PDCD2: variants seen among roughly 807,000 people sequenced by gnomAD.
PDCD2 encodes the protein uS5 assembly chaperone PDCD2.
A neutral mutation model predicts 38.1 loss-of-function variants in PDCD2; 38 were observed. That is an observed-to-expected ratio of 1.00 (90% confidence interval 0.77 to 1.31). The LOEUF (loss-of-function observed/expected upper bound fraction) is 1.31. Among genes scored for constraint, PDCD2 ranks in the 50% most tolerant of loss-of-function variants. The pLI, the probability that PDCD2 is intolerant of heterozygous loss-of-function variation, is 0.00. For missense variants in PDCD2, 473 were observed against 435.7 expected, an observed-to-expected ratio of 1.09 and a Z score of -0.76; for synonymous variants, 205 against 168.9, an observed-to-expected ratio of 1.21 and a Z score of -1.66.
At chr6:170,583,341 T>C (rs1339376181) in intron 2 of PDCD2, among the ~76,000 whole-genome samples, 153 bp from the exon 3 acceptor site, 1 of 152,114 alleles carries the variant, frequency 6.6e-6, no homozygotes, top group African/African-American at 2.4e-5. Context: ...TATTCAGTGA[T>C]TCAGACTTCA....
In PDCD2 at chr6:170,577,688, C is replaced by G; in HGVS notation, c.906G>C (p.Lys302Asn). ...QVMPQLLNYL[K>N]ADRLGKSIDW... The stretch of plus-strand genomic sequence containing the variant: ...CAATGCTCTTGCCCAGTCTGTCAGC[C>G]TTCAGGTAGTTTAGGAGCTGAGGCA... The change falls in exon 6 of 6, where the codon AAG becomes AAC. Residue 302 changes from lysine to asparagine, a missense_variant. Lys to Asn is a moderately conservative substitution (Grantham distance 94). Transcript: ENST00000541970. 2 of 1,613,196 alleles carry G rather than the reference C, an allele frequency of 1.2e-6. No individual in the cohort carries two copies. The highest frequency in any genetic ancestry group is 1.7e-6 in the Non-Finnish European group (2 of 1,180,002).
rs1295056366 is a variant in PDCD2 at position 170,583,780 on chromosome 6, C to T, written c.284-33G>A. On this transcript the variant is annotated intron_variant, in intron 1 of 5. Coordinates refer to ENST00000541970, the MANE Select transcript of PDCD2 (RefSeq NM_002598.4). ...AGAATACAGAGAAAAGTTTTATCTTCAAACAAAACAGCAATTCACATATTT... is the reference window on the plus strand; with the variant it reads ...AGAATACAGAGAAAAGTTTTATCTTTAAACAAAACAGCAATTCACATATTT... 4 of 1,514,990 alleles carry T rather than the reference C, an allele frequency of 2.6e-6. No homozygotes were observed. In the East Asian group the frequency reaches 9.1e-5, roughly 35 times the overall value. 93.8% of individuals were successfully genotyped at this position (1,514,990 alleles called of 1,614,324 possible). A position where few individuals can be genotyped will look rare whatever the true frequency, so the allele number is the denominator to read the frequency against.
chr6:170,582,161 C>T (rs1779627389), intron 3 of PDCD2: 10 of 1,527,886 alleles, frequency 6.5e-6, no homozygotes, highest in South Asian at 1.2e-5. Flanking sequence ...CTGTATTGTA[C>T]TCTTATCAGT....
At position 170,583,252 on chromosome 6, in the gene PDCD2, T is replaced by C. The variant is rs969778249; in HGVS notation, c.527-64A>G. The C allele has an allele frequency of 3.0e-5, 37 of 1,236,000 alleles. No individual in the cohort carries two copies. In the Admixed American group the frequency reaches 3.9e-4, roughly 13 times the overall value. The allele number at this position is 1,236,000 out of a possible 1,614,324, so 76.6% of individuals were successfully genotyped here. A position where few individuals can be genotyped will look rare whatever the true frequency, so the allele number is the denominator to read the frequency against. ...TTTTGAAGACAGTCTAATAATTTGC[T>C]GTCTCTAAAGTACTATATTCCCTAT... On this transcript the variant is annotated intron_variant, in intron 2 of 5. Transcript: ENST00000541970.
rs182411987 is a variant in PDCD2 at position 170,579,146 on chromosome 6, A to G, written c.763-176T>C. 85 of 565,186 alleles carry G rather than the reference A, an allele frequency of 1.5e-4. 2 individuals carry two copies. In the Admixed American group the frequency reaches 2.3e-3, roughly 15 times the overall value. The allele number at this position is 565,186 out of a possible 1,614,324, so 35.0% of individuals were successfully genotyped here. On this transcript the variant is annotated intron_variant, in intron 4 of 5. Coordinates refer to ENST00000541970, the MANE Select transcript of PDCD2 (RefSeq NM_002598.4). ...CCAGTGTGCCACTAATGCCTTCTCAATCACCTCAAAGTGATTATTTCAGTT... is the reference window on the plus strand; with the variant it reads ...CCAGTGTGCCACTAATGCCTTCTCAGTCACCTCAAAGTGATTATTTCAGTT...
intron 5 of PDCD2, among the ~76,000 whole-genome samples, chr6:170,578,246 CAG>C (rs929394381): frequency 2.0e-5 from 3 of 152,104 alleles, no homozygotes; most frequent in Non-Finnish European, 4.4e-5. Flanking sequence ...AAGAACCAAG[CAG>C]AGTTTTGTGT....
At chr6:170,578,263 T>C (rs1444950260) in intron 5 of PDCD2, among the ~76,000 whole-genome samples, 2 of 152,150 alleles carry the variant, frequency 1.3e-5, no homozygotes, top group East Asian at 1.9e-4. Flanking sequence ...TTGTGTATGG[T>C]CCTCATAATT....
Position 170,583,718 on chromosome 6 carries a change from C to A in PDCD2, c.313G>T (p.Asp105Tyr), listed in dbSNP as rs367868951. The A allele has an allele frequency of 2.3e-5, 37 of 1,612,758 alleles. No homozygotes were observed. The highest frequency in any genetic ancestry group is 3.1e-5 in the Non-Finnish European group (37 of 1,179,162). The change falls in exon 2 of 6, where the codon GAT (aspartate) becomes TAT (tyrosine). Residue 105 changes from aspartate (D) to tyrosine (Y), a missense_variant. Physicochemically the swap from Asp to Tyr is radical, Grantham distance 160. Coordinates refer to ENST00000541970, the MANE Select transcript of PDCD2 (RefSeq NM_002598.4). ...GAAGGTGGCTCATATGAGTAAAAAT[C>A]GTTTTTCCTGGGTAGTTGATTCCTA... is the stretch of plus-strand genomic sequence containing the variant. ...VFRNQLPRKN[D>Y]FYSYEPPSEN...
intron 3 of PDCD2, chr6:170,581,748 A>G (rs1448234891): frequency 5.7e-6 from 1 of 175,694 alleles, no homozygotes; most frequent in Non-Finnish European, 1.2e-5. Flanking sequence ...GCAACAGTCT[A>G]GTAATAACAT....
chr6:170,583,300 G>T, intron 2 of PDCD2, 112 bp from the exon 3 acceptor site: 1 of 926,464 alleles, frequency 1.1e-6, no homozygotes, highest in Non-Finnish European at 1.6e-6. Flanking sequence ...TTAGATAAAG[G>T]GTCATAAATT....
intron 3 of PDCD2, among the ~76,000 whole-genome samples, chr6:170,580,756 G>T (rs548926145): frequency 6.6e-6 from 1 of 152,058 alleles, no homozygotes; most frequent in Non-Finnish European, 1.5e-5. Flanking sequence ...TTCCTTCCTG[G>T]GATTACAGCC....
chr6:170,576,293 T>A lies in PDCD2; in HGVS notation c.*1266A>T, dbSNP rs1391050200. 1 of 152,228 alleles carries A rather than the reference T, an allele frequency of 6.6e-6. No homozygotes were observed. The highest frequency in any genetic ancestry group is 1.5e-5 in the Non-Finnish European group (1 of 68,044). 9.4% of individuals were successfully genotyped at this position (152,228 alleles called of 1,614,324 possible). A position where few individuals can be genotyped will look rare whatever the true frequency, so the allele number is the denominator to read the frequency against. ...TATGGACTACTAGGACAGAACTTTT[T>A]AAATTACAAATAAAATAGCCAAGTA... On this transcript the variant is annotated 3_prime_UTR_variant, in exon 6 of 6. Coordinates refer to ENST00000541970, the MANE Select transcript of PDCD2 (RefSeq NM_002598.4).
In PDCD2 at chr6:170,584,599, G is replaced by A. The variant is rs1779762143; in HGVS notation, c.-18C>T. 1.6e-6 allele frequency: 2 copies of A among 1,241,338 alleles called. No homozygotes were observed. The highest frequency in any genetic ancestry group is 4.3e-5 in the Admixed American group (1 of 23,392). The allele number at this position is 1,241,338 out of a possible 1,614,324, so 76.9% of individuals were successfully genotyped here. Reference sequence around the variant, plus strand: ...GCAGCCATGCGGGGCGCGGGCTGGCGTGGGGCGCAGCCCACAGCTGGGTCG... The same window carrying A: ...GCAGCCATGCGGGGCGCGGGCTGGCATGGGGCGCAGCCCACAGCTGGGTCG... On this transcript the variant is annotated 5_prime_UTR_variant, in exon 1 of 6. In the 5' UTR this introduces an upstream ATG that the reference lacks. Transcript: ENST00000541970.
intron 3 of PDCD2, chr6:170,582,469 A>G (rs191691000): frequency 5.7e-6 from 8 of 1,403,320 alleles, no homozygotes; most frequent in African/African-American, 1.4e-5. Flanking sequence ...CCAGAACCTC[A>G]ATTTCCTCAC....
intron 3 of PDCD2, chr6:170,582,755 C>G (rs1236491187): frequency 7.9e-7 from 1 of 1,269,088 alleles, no homozygotes; most frequent in Non-Finnish European, 9.9e-7. Flanking sequence ...CACACTATCC[C>G]GACCCGAGAA....
chr6:170,583,440 C>T, intron 2 of PDCD2, 65 bp downstream of exon 2: 1 of 1,529,140 alleles, frequency 6.5e-7, no homozygotes, highest in Non-Finnish European at 8.8e-7. Flanking sequence ...TAAAGTTGTC[C>T]TGGAAATATC....
rs1779470604 is a variant in PDCD2 at position 170,577,258 on chromosome 6, A to G, written c.*301T>C. 2 of 229,616 alleles carry G rather than the reference A, an allele frequency of 8.7e-6. No homozygotes were observed. The highest frequency in any genetic ancestry group is 8.9e-5 in the East Asian group (1 of 11,262). The allele number at this position is 229,616 out of a possible 1,614,324, so 14.2% of individuals were successfully genotyped here. A position where few individuals can be genotyped will look rare whatever the true frequency, so the allele number is the denominator to read the frequency against. ...CATCTTTGCAGATTTCTGTGCATACATACAAATATTTTTACAAGAATAGGA... is the reference window on the plus strand; with the variant it reads ...CATCTTTGCAGATTTCTGTGCATACGTACAAATATTTTTACAAGAATAGGA... On this transcript the variant is annotated 3_prime_UTR_variant, in exon 6 of 6. Transcript: ENST00000541970.
In PDCD2 at chr6:170,584,540, G is replaced by C. The variant is rs527284090; in HGVS notation, c.42C>G (p.Ala14=). The C allele has an allele frequency of 1.5e-6, 2 of 1,361,400 alleles. No individual in the cohort carries two copies. Among genetic ancestry groups the C allele is most frequent in the Non-Finnish European group, 9.4e-7 (1 of 1,059,276 alleles). The allele number at this position is 1,361,400 out of a possible 1,614,324, so 84.3% of individuals were successfully genotyped here. A position where few individuals can be genotyped will look rare whatever the true frequency, so the allele number is the denominator to read the frequency against. ...GCAGTCGCCACGCCGGCGCCGACTC[G>C]GCGAAGCCCAGCTCCACAGGCCTGG... The part of the protein sequence containing the change: ...AGARPVELGF[A]ESAPAWRLRS... Residue 14 remains alanine (A), a synonymous_variant, in exon 1 of 6, where the codon GCC becomes GCG. Transcript: ENST00000541970.
In PDCD2 at chr6:170,577,551, A is replaced by G. The variant is rs1233565252; in HGVS notation, c.*8T>C. On this transcript the variant is annotated 3_prime_UTR_variant, in exon 6 of 6. Coordinates refer to ENST00000541970, the MANE Select transcript of PDCD2 (RefSeq NM_002598.4). ...ATTATTAACATTTTTCAAGGCTTTA[A>G]GATGCCTTTACGGTGTATCTGTTAC... 51 of 1,610,414 alleles carry G rather than the reference A, an allele frequency of 3.2e-5. No homozygotes were observed. The Admixed American group carries it at 7.2e-4, about 23-fold the overall frequency.
Sources: gnomAD v4.1 joint callset for allele counts (sites outside exome capture counted in the v4.1 genomes callset) on GRCh38, gnomAD v4.1.1 for gene constraint, MANE v1.5 for transcripts, NCBI Gene and HGNC (gene_info 2026-07-23, HGNC 2026-07-21) for gene names.